Variants in LRRK1 observed in about 807,000 individuals in gnomAD.
The protein encoded by LRRK1 is leucine-rich repeat serine/threonine-protein kinase 1.
Under a neutral mutation model 209.1 loss-of-function variants are expected in LRRK1, and 113 were observed. The ratio of observed to expected loss-of-function variants is 0.54; its 90% CI spans 0.46 to 0.63. The LOEUF (loss-of-function observed/expected upper bound fraction) is 0.63, where lower values mean the gene tolerates loss of function less well. LRRK1 is among the 30% of genes least tolerant of loss of function. LRRK1 has a pLI of 0.00. For missense variants in LRRK1, 2,284 were observed against 2,632.2 expected (o/e 0.87, Z 2.89); for synonymous variants, 1,144 against 1,099.7 (o/e 1.04, Z -0.80).
In LRRK1 at chr15:101,028,993, T is replaced by C; in HGVS notation, c.2724T>C (p.His908=). ...SFLIETGTLL[H]FPDTSHGLRN... ...TCATAGAAACCGGCACCCTGCTCCA[T>C]TTCCCGGACACCAGCCACGGCCTGA... The change falls in exon 20 of 34, where the codon CAT becomes CAC. Residue 908 remains histidine, a synonymous_variant. Coordinates refer to ENST00000388948, the MANE Select transcript of LRRK1 (RefSeq NM_024652.6). The C allele has an allele frequency of 6.2e-7, 1 of 1,613,916 alleles. No homozygotes were observed. Among genetic ancestry groups the C allele is most frequent in the South Asian group, 1.1e-5 (1 of 91,066 alleles).
At chr15:100,977,248 C>T (rs2031349623) in intron 3 of LRRK1, among the ~76,000 whole-genome samples, 2 of 151,420 alleles carry the variant, frequency 1.3e-5, no homozygotes, top group Non-Finnish European at 2.9e-5. Flanking sequence ...AGGAAAGGAA[C>T]AGCAAAGCCA....
At chr15:100,966,249 A>C (rs1337116402) in intron 2 of LRRK1, among the ~76,000 whole-genome samples, 28 of 152,228 alleles carry the variant, frequency 1.8e-4, no homozygotes, top group Non-Finnish European at 1.5e-5. Context: ...CAGAAGTTCT[A>C]AATTTTGATG....
chr15:101,027,401 A>G lies in LRRK1; in HGVS notation c.2526+20A>G, dbSNP rs2034083179. On this transcript the variant is annotated intron_variant, in intron 18 of 33. Coordinates refer to ENST00000388948, the MANE Select transcript of LRRK1 (RefSeq NM_024652.6). This position sits in a 1 kb window ranked among gnomAD's most constrained non-coding sequence, Gnocchi z 5.1. ...CGGCTGGTGGGTACCTTGCTGGTCC[A>G]GTTTAAACCAGTCTGCCTGCTTCCC... 2 of 1,608,870 alleles carry G rather than the reference A, an allele frequency of 1.2e-6. No homozygotes were observed. The highest frequency in any genetic ancestry group is 1.3e-5 in the African/African-American group (1 of 74,800).
At chr15:101,020,786 A>G (rs185898978) in intron 12 of LRRK1, among the ~76,000 whole-genome samples, 104 of 152,308 alleles carry the variant, frequency 6.8e-4, no homozygotes, top group African/African-American at 2.0e-3. Context: ...TCATTGAACC[A>G]ACCCCCTGTG....
intron 2 of LRRK1, among the ~76,000 whole-genome samples, chr15:100,926,354 G>A (rs2042109492): frequency 6.6e-6 from 1 of 152,150 alleles, no homozygotes; most frequent in African/African-American, 2.4e-5. Flanking sequence ...TCCTCCTGCT[G>A]CTCCTCTTCG....
chr15:100,947,193 G>A lies in LRRK1; in HGVS notation c.97+22464G>A, dbSNP rs532984212. ...AAGATGGTCTCCATCTCCTGACCTCGTGATCCGCCCGCCTCGGCCTCCCAA... is the reference window on the plus strand; with the variant it reads ...AAGATGGTCTCCATCTCCTGACCTCATGATCCGCCCGCCTCGGCCTCCCAA... On this transcript the variant is annotated intron_variant, in intron 2 of 33. Coordinates refer to ENST00000388948, the MANE Select transcript of LRRK1 (RefSeq NM_024652.6). Among the ~76,000 whole-genome samples, 98 of 152,104 alleles carry A rather than the reference G, an allele frequency of 6.4e-4. No homozygotes were observed. In the South Asian group the frequency reaches 9.3e-3, roughly 15 times the overall value.
rs78605716 is a variant in LRRK1, at chr15:101,065,541, G to A, written c.5104G>A (p.Gly1702Ser). The change falls in exon 32 of 34, where the codon GGC becomes AGC. Residue 1702 changes from glycine (G) to serine (S), a missense_variant. This residue lies in a region of LRRK1 where 643 missense variants were observed against 695.9 expected (regional missense o/e 0.92). Coordinates refer to ENST00000388948, the MANE Select transcript of LRRK1 (RefSeq NM_024652.6). ...PVKAMEVVNS[G>S]SEVWYSNGPG... Reference sequence around the variant, plus strand: ...GAAGGCCATGGAGGTGGTCAACAGCGGCTCTGAGGTCTGGTACAGCAATGG... The same window carrying A: ...GAAGGCCATGGAGGTGGTCAACAGCAGCTCTGAGGTCTGGTACAGCAATGG... 1.4e-3 allele frequency: 2,339 copies of A among 1,614,182 alleles called. 4 individuals are homozygous for A. Among genetic ancestry groups the A allele is most frequent in the South Asian group, 2.4e-3 (223 of 91,088 alleles).
chr15:100,920,058 T>C (rs2041994086), intron 1 of LRRK1: 1 of 152,480 alleles, frequency 6.6e-6, no homozygotes, highest in Non-Finnish European at 1.5e-5. Context: ...CAGATACAAC[T>C]GCTCTGTCTA....
chr15:100,953,965 G>C (rs1192611372), intron 2 of LRRK1, among the ~76,000 whole-genome samples: 2 of 152,056 alleles, frequency 1.3e-5, no homozygotes, highest in Non-Finnish European at 2.9e-5. Context: ...CCCCAGGCTG[G>C]AGGGCAGTGG....
intron 23 of LRRK1, 93 bp from the exon 24 acceptor site, chr15:101,051,618 G>A (rs939385966): frequency 2.3e-5 from 35 of 1,492,884 alleles, no homozygotes; most frequent in Non-Finnish European, 2.6e-5. Context: ...CCCCTGCTGC[G>A]AAGGCCTCAG....
chr15:100,951,616 G>T (rs1039969088), intron 2 of LRRK1, among the ~76,000 whole-genome samples: 1 of 152,030 alleles, frequency 6.6e-6, no homozygotes, highest in Non-Finnish European at 1.5e-5. Flanking sequence ...CAATAGCAAG[G>T]AAATAATAGC....
rs2034078064 is a variant in LRRK1, at chr15:101,027,334, A to G, written c.2479A>G (p.Lys827Glu). The G allele has an allele frequency of 4.3e-6, 7 of 1,614,060 alleles. No individual in the cohort carries two copies. The highest frequency in any genetic ancestry group is 5.9e-6 in the Non-Finnish European group (7 of 1,180,006). The change falls in exon 18 of 34, where the codon AAG becomes GAG. Residue 827 changes from lysine (K) to glutamate (E), a missense_variant. Lys to Glu is a moderately conservative substitution (Grantham distance 56). Transcript: ENST00000388948. The surrounding 1 kb of genome is among the most constrained non-coding windows in gnomAD (Gnocchi z 5.1). ...GATTTTCCACGTCACGTGCAGCATG[A>G]AGGACGTGGGCAGCACCATCGGCTG... is the stretch of plus-strand genomic sequence containing the variant. ...QLIFHVTCSM[K>E]DVGSTIGCQR...
At chr15:101,052,310 A>G (rs892170564) in intron 24 of LRRK1, among the ~76,000 whole-genome samples, 2 of 152,116 alleles carry the variant, frequency 1.3e-5, no homozygotes, top group African/African-American at 4.8e-5. Flanking sequence ...CTCTAGGGCC[A>G]GCAGATAAGT....
At chr15:100,991,009 T>C (rs775385772) in intron 6 of LRRK1, among the ~76,000 whole-genome samples, 1 of 152,206 alleles carries the variant, frequency 6.6e-6, no homozygotes, top group Non-Finnish European at 1.5e-5. Context: ...GTGTGTATTG[T>C]ATGAGGGAAG....
chr15:101,061,210 G>A lies in LRRK1; in HGVS notation c.4719G>A (p.Glu1573=), dbSNP rs753285606. ...TVVNTEKGLM[E]VQRMCCPGMK... ...TGAACACAGAGAAGGGCCTCATGGA[G>A]GTGCAGAGGATGTGCTGCCCTGGGA... Residue 1573 remains glutamate (E), a synonymous_variant, in exon 30 of 34, where the codon GAG becomes GAA. Coordinates refer to ENST00000388948, the MANE Select transcript of LRRK1 (RefSeq NM_024652.6). 1.2e-6 allele frequency: 2 copies of A among 1,614,122 alleles called. No homozygotes were observed. The highest frequency in any genetic ancestry group is 1.7e-6 in the Non-Finnish European group (2 of 1,179,980).
intron 2 of LRRK1, among the ~76,000 whole-genome samples, chr15:100,935,375 G>T (rs1157693612): frequency 2.6e-5 from 4 of 152,212 alleles, no homozygotes; most frequent in Non-Finnish European, 4.4e-5. Context: ...TCCTGGCAAG[G>T]CATCAGTGAG....
chr15:100,977,930 G>T (rs894842870), intron 3 of LRRK1, among the ~76,000 whole-genome samples: 1 of 152,158 alleles, frequency 6.6e-6, no homozygotes, highest in East Asian at 1.9e-4. Context: ...CATCTAACAA[G>T]GATTTGAAGG....
At chr15:100,995,823 A>G (rs530391520) in intron 6 of LRRK1, among the ~76,000 whole-genome samples, 1 of 152,352 alleles carries the variant, frequency 6.6e-6, no homozygotes, top group Non-Finnish European at 1.5e-5. Context: ...AAACAACCCA[A>G]TGGGGAAATT....
At chr15:101,005,009 A>G (rs963890733) in intron 6 of LRRK1, among the ~76,000 whole-genome samples, 1 of 152,200 alleles carries the variant, frequency 6.6e-6, no homozygotes, top group African/African-American at 2.4e-5. Flanking sequence ...TGCATCTTGC[A>G]TTTGGCTGCC....
Sources: allele counts gnomAD v4.1 joint callset (sites outside exome capture counted in the v4.1 genomes callset), GRCh38; gene constraint gnomAD v4.1.1; regional missense constraint gnomAD v4.1.1; non-coding constraint Gnocchi (gnomAD v3.1); transcripts MANE v1.5; gene names NCBI Gene and HGNC (gene_info 2026-07-23, HGNC 2026-07-21).